Variants in POLA1 observed in about 807,000 individuals in gnomAD.
The protein encoded by POLA1 is DNA polymerase alpha 1, catalytic subunit.
Under a neutral mutation model 124.0 loss-of-function variants are expected in POLA1, and 15 were observed. The observed-to-expected ratio is 0.12, with a 90% CI of 0.08 to 0.19. The LOEUF (loss-of-function observed/expected upper bound fraction) is 0.19. POLA1 is among the 10% of genes least tolerant of loss of function. The probability of loss-of-function intolerance (pLI) is 1.00; values close to 1 mark genes in which losing one functional copy is unlikely to be tolerated. For synonymous variants in POLA1, 408 were observed against 389.4 expected (o/e 1.05, Z -0.56); for missense variants, 886 against 1,103.4 (o/e 0.80, Z 2.79).
At chrX:24,714,079 A>C (rs1929653175) in intron 4 of POLA1, among the ~76,000 whole-genome samples, 1 of 112,636 alleles carries the variant, frequency 8.9e-6, no homozygotes, top group East Asian at 2.8e-4. Context: ...TTCTATAAAA[A>C]CATTTGGCCC....
Position 24,891,078 on chromosome X carries a change from C to T in POLA1, c.4164+2956C>T, listed in dbSNP as rs1364014691. ...AAAAGGTTAGTCTATAATCTTAGATCGTTAAGCTATTAGACCGATACATTT... is the reference window on the plus strand; with the variant it reads ...AAAAGGTTAGTCTATAATCTTAGATTGTTAAGCTATTAGACCGATACATTT... On this transcript the variant is annotated intron_variant, in intron 35 of 36. Coordinates refer to ENST00000379068, the MANE Select transcript of POLA1 (RefSeq NM_001330360.2). Among the ~76,000 whole-genome samples, 5 of 112,351 alleles carry T rather than the reference C, an allele frequency of 4.5e-5. No individual in the cohort carries two copies. In the East Asian group the frequency reaches 8.3e-4, roughly 19 times the overall value.
At chrX:24,875,818 T>G (rs2046922260) in intron 34 of POLA1, among the ~76,000 whole-genome samples, 1 of 112,096 alleles carries the variant, frequency 8.9e-6, no homozygotes, top group East Asian at 2.8e-4. Flanking sequence ...CTGGAGCTGC[T>G]TCTCTCTCGA....
rs759160841 is a variant in POLA1, at chrX:24,826,088, C to T, written c.3562-339C>T. ...GCCTTTCTGGCTACACTAATTGTTA[C>T]TAAGCCTTCTCAGTGTTTGGTGATA... is the stretch of plus-strand genomic sequence containing the variant. On this transcript the variant is annotated intron_variant, in intron 31 of 36. Coordinates refer to ENST00000379068, the MANE Select transcript of POLA1 (RefSeq NM_001330360.2). Among the ~76,000 whole-genome samples the T allele has an allele frequency of 8.1e-4, 91 of 112,355 alleles. 1 individual carries two copies. Among genetic ancestry groups the T allele is most frequent in the South Asian group, 7.4e-3 (20 of 2,687 alleles).
At chrX:24,797,249 G>A (rs1328641549) in intron 26 of POLA1, among the ~76,000 whole-genome samples, 2 of 110,136 alleles carry the variant, frequency 1.8e-5, no homozygotes, top group Non-Finnish European at 3.8e-5. Context: ...GAACATTCTA[G>A]CCTCAACCAT....
chrX:24,868,995 G>T (rs1025920491), intron 34 of POLA1, among the ~76,000 whole-genome samples: 3 of 112,084 alleles, frequency 2.7e-5, no homozygotes, highest in African/African-American at 9.7e-5. Context: ...GAGTGCAGTG[G>T]TGTGAACACA....
intron 1 of POLA1, among the ~76,000 whole-genome samples, chrX:24,696,395 C>CTA (rs1555969955): frequency 8.9e-6 from 1 of 112,370 alleles, no homozygotes; most frequent in Non-Finnish European, 1.9e-5. Flanking sequence ...GTACTTGATG[C>CTA]TATAGCTCAT....
chrX:24,793,880 C>T (rs904895912), intron 26 of POLA1, among the ~76,000 whole-genome samples: 6 of 111,145 alleles, frequency 5.4e-5, no homozygotes, highest in Admixed American at 9.5e-5. Flanking sequence ...CCACCGTGCC[C>T]GTCCGAAGAG....
At chrX:24,860,904 T>C (rs1185832860) in intron 34 of POLA1, among the ~76,000 whole-genome samples, 2 of 111,774 alleles carry the variant, frequency 1.8e-5, no homozygotes, top group African/African-American at 6.5e-5. Flanking sequence ...TGGACAGCAG[T>C]CCCTCCCCTT....
At chrX:24,956,437 G>GA (rs1358647490) in intron 36 of POLA1, among the ~76,000 whole-genome samples, 1 of 109,791 alleles carries the variant, frequency 9.1e-6, no homozygotes, top group African/African-American at 3.3e-5. Flanking sequence ...TAGTGTAGGG[G>GA]AAAAACCGAA....
chrX:24,809,777 C>T, intron 26 of POLA1, 121 bp from the exon 27 acceptor site: 4 of 435,415 alleles, frequency 9.2e-6, no homozygotes, highest in Non-Finnish European at 1.5e-5. Flanking sequence ...GTTAGAAAAC[C>T]TTCAAGAGCT....
chrX:24,841,917 G>A (rs891907813), intron 33 of POLA1, 87 bp downstream of exon 33: 2 of 616,609 alleles, frequency 3.2e-6, no homozygotes, highest in Admixed American at 3.3e-5. Flanking sequence ...TAAAAAGGGC[G>A]AAATAAACAC....
chrX:24,996,096 G>A lies in POLA1; in HGVS notation c.*146G>A. 2.0e-6 allele frequency: 1 copy of A among 494,115 alleles called. No homozygotes were observed. Among genetic ancestry groups the A allele is most frequent in the East Asian group, 3.8e-5 (1 of 26,615 alleles). The allele number at this position is 494,115 out of a possible 1,213,427, so 40.7% of individuals were successfully genotyped here. A position where few individuals can be genotyped will look rare whatever the true frequency, so the allele number is the denominator to read the frequency against. ...TTGTGTGAATGTAGACCAGGAAAGG[G>A]GGCTGCAAAAATGTTGAGTCTAATG... On this transcript the variant is annotated 3_prime_UTR_variant, in exon 37 of 37. Coordinates refer to ENST00000379068, the MANE Select transcript of POLA1 (RefSeq NM_001330360.2).
At chrX:24,834,785 GCAAA>G (rs1413878578) in intron 32 of POLA1, among the ~76,000 whole-genome samples, 1 of 110,082 alleles carries the variant, frequency 9.1e-6, no homozygotes, top group African/African-American at 3.3e-5. Flanking sequence ...TCAAAACAAA[GCAAA>G]CAAACAAAAA....
chrX:24,968,571 CGGGT>C (rs1022760995), intron 36 of POLA1, among the ~76,000 whole-genome samples: 6 of 109,587 alleles, frequency 5.5e-5, no homozygotes, highest in Non-Finnish European at 9.5e-5. Context: ...TGCGTGGTGG[CGGGT>C]GCCTGTAGTC....
intron 34 of POLA1, among the ~76,000 whole-genome samples, chrX:24,855,962 C>T (rs1429748479): frequency 3.6e-5 from 4 of 112,207 alleles, no homozygotes; most frequent in South Asian, 3.7e-4. Context: ...TTACTACTAT[C>T]GCTTTCTAGA....
intron 35 of POLA1, among the ~76,000 whole-genome samples, chrX:24,923,652 GAAAA>G (rs951336943): frequency 1.2e-4 from 13 of 112,017 alleles, no homozygotes; most frequent in Admixed American, 4.7e-4. Context: ...AGACTTCTTG[GAAAA>G]GTAACCCTCA....
chrX:24,802,414 G>T (rs925848206), intron 26 of POLA1, among the ~76,000 whole-genome samples: 3 of 111,733 alleles, frequency 2.7e-5, no homozygotes, highest in Non-Finnish European at 3.8e-5. Flanking sequence ...TTTTGAGAGG[G>T]CTGGTTTGAA....
intron 26 of POLA1, among the ~76,000 whole-genome samples, chrX:24,774,274 T>A (rs1569304718): frequency 1.8e-5 from 2 of 111,597 alleles, no homozygotes; most frequent in Non-Finnish European, 3.8e-5. Context: ...CTCAGCTTGA[T>A]TCAGTTTTAC....
chrX:24,738,973 C>T (rs955219830), intron 19 of POLA1, among the ~76,000 whole-genome samples: 5 of 110,307 alleles, frequency 4.5e-5, no homozygotes, highest in Non-Finnish European at 9.5e-5. Context: ...AGCTTTTTAC[C>T]CCCTTCAAGA....
Sources: gnomAD v4.1 joint callset for allele counts (sites outside exome capture counted in the v4.1 genomes callset) on GRCh38, gnomAD v4.1.1 for gene constraint, MANE v1.5 for transcripts, NCBI Gene and HGNC (gene_info 2026-07-23, HGNC 2026-07-21) for gene names.